Variants in MTUS1 observed in about 807,000 individuals in gnomAD.
MTUS1 encodes microtubule-associated tumor suppressor 1.
Under a neutral mutation model 120.8 loss-of-function variants are expected in MTUS1, and 109 were observed. That is an observed-to-expected ratio of 0.90 (90% CI 0.77 to 1.06). MTUS1 has a LOEUF of 1.06. MTUS1 is among the 50% of genes least tolerant of loss of function. The pLI, the probability that MTUS1 is intolerant of heterozygous loss-of-function variation, is 0.00. For missense variants in MTUS1, 2,210 were observed against 1,486.3 expected (o/e 1.49, Z -8.01); for synonymous variants, 737 against 550.5 (o/e 1.34, Z -4.74).
rs968789884 is a variant in MTUS1 at position 17,794,031 on chromosome 8, G to A, written c.-155+7030C>T. 1.2e-4 allele frequency among the ~76,000 whole-genome samples: 18 copies of A among 151,962 alleles called. No homozygotes were observed. The East Asian group carries it at 3.5e-3, about 29-fold the overall frequency. On this transcript the variant is annotated intron_variant, in intron 1 of 14. Coordinates refer to ENST00000693296, the MANE Select transcript of MTUS1 (RefSeq NM_001363059.2). ...AGTGCTCAAAAATGGCTGAGGCTGAGGAAAACCAAACACAGGCCGGGCACA... is the reference window on the plus strand; with the variant it reads ...AGTGCTCAAAAATGGCTGAGGCTGAAGAAAACCAAACACAGGCCGGGCACA...
At chr8:17,697,646 C>A in intron 6 of MTUS1, 1 of 1,196,376 alleles carries the variant, frequency 8.4e-7, no homozygotes, top group Non-Finnish European at 1.0e-6. Context: ...GGTCTAGAAG[C>A]TGCCTCTGAA....
intron 12 of MTUS1, 100 bp from the exon 13 acceptor site, chr8:17,650,062 C>A (rs540139101): frequency 1.3e-6 from 1 of 755,702 alleles, no homozygotes; most frequent in Admixed American, 2.1e-5. Flanking sequence ...AAGTAGCAAG[C>A]GACAGATGTT....
rs866641834 is a variant in MTUS1, at chr8:17,787,850, A to G, written c.-155+13211T>C. 9.2e-5 allele frequency among the ~76,000 whole-genome samples: 14 copies of G among 152,342 alleles called. No homozygotes were observed. In the South Asian group the frequency reaches 1.4e-3, roughly 16 times the overall value. ...TCACGAAGACTTTCTGGCTGGGCAC[A>G]GTGGCTCACACTGTAATCCCAGCAC... On this transcript the variant is annotated intron_variant, in intron 1 of 14. Coordinates refer to ENST00000693296, the MANE Select transcript of MTUS1 (RefSeq NM_001363059.2).
At chr8:17,783,032 C>A (rs34943460) in intron 1 of MTUS1, among the ~76,000 whole-genome samples, 5 of 152,096 alleles carry the variant, frequency 3.3e-5, no homozygotes, top group Non-Finnish European at 7.4e-5. Context: ...GAGCCAAGAT[C>A]GTGCCATTGC....
chr8:17,689,747 A>G (rs1816580494), intron 6 of MTUS1, among the ~76,000 whole-genome samples: 1 of 152,304 alleles, frequency 6.6e-6, no homozygotes, highest in South Asian at 2.1e-4. Flanking sequence ...CTTACAGCTA[A>G]TTGATCTTTG....
At chr8:17,674,740 C>T in intron 8 of MTUS1, 4 of 993,342 alleles carry the variant, frequency 4.0e-6, no homozygotes, top group Non-Finnish European at 4.8e-6. Flanking sequence ...AGCCAAGTTG[C>T]CTTCATGGAC....
chr8:17,676,095 C>A (rs547429894), intron 7 of MTUS1: 7 of 579,518 alleles, frequency 1.2e-5, no homozygotes, highest in African/African-American at 5.7e-5. Flanking sequence ...AATGCCCTCA[C>A]GAGGATCACC....
At chr8:17,680,672 T>C (rs561999007) in intron 7 of MTUS1, among the ~76,000 whole-genome samples, 1 of 152,214 alleles carries the variant, frequency 6.6e-6, no homozygotes, top group South Asian at 2.1e-4. Flanking sequence ...TTTTTTCCTC[T>C]AGCGTTGGAT....
intron 3 of MTUS1, among the ~76,000 whole-genome samples, chr8:17,728,436 A>G (rs1228640275): frequency 6.6e-6 from 1 of 152,242 alleles, no homozygotes; most frequent in Non-Finnish European, 1.5e-5. Flanking sequence ...AATCTGGACA[A>G]TAGATTCACA....
chr8:17,699,542 C>A (rs1018882660), intron 6 of MTUS1, among the ~76,000 whole-genome samples: 1 of 152,140 alleles, frequency 6.6e-6, no homozygotes, highest in African/African-American at 2.4e-5. Context: ...AAGGGAAGTT[C>A]TTTAGACTCC....
At chr8:17,758,692 G>T (rs922867334) in intron 1 of MTUS1, among the ~76,000 whole-genome samples, 30 of 152,252 alleles carry the variant, frequency 2.0e-4, no homozygotes, top group African/African-American at 7.2e-4. Flanking sequence ...ACAGACTGTG[G>T]CATAAGCAAA....
At chr8:17,784,301 T>TA in intron 1 of MTUS1, among the ~76,000 whole-genome samples, 1 of 151,228 alleles carries the variant, frequency 6.6e-6, no homozygotes, top group Admixed American at 6.6e-5. Context: ...AACTGTTTTT[T>TA]TTTTTTTTTT....
chr8:17,720,032 T>G (rs940244355), intron 4 of MTUS1, among the ~76,000 whole-genome samples: 1 of 152,120 alleles, frequency 6.6e-6, no homozygotes, highest in Admixed American at 6.5e-5. Context: ...ATAGTCCAAC[T>G]TAACATGAGT....
chr8:17,762,476 T>C (rs1009816805), intron 1 of MTUS1, among the ~76,000 whole-genome samples: 5 of 152,196 alleles, frequency 3.3e-5, no homozygotes, highest in African/African-American at 1.2e-4. Context: ...TCTTGCAGCC[T>C]ACCTTTCATC....
chr8:17,684,480 C>A lies in MTUS1; in HGVS notation c.2686G>T (p.Ala896Ser), dbSNP rs766037683. 2.5e-6 allele frequency: 4 copies of A among 1,614,194 alleles called. No homozygotes were observed. In the South Asian group the frequency reaches 4.4e-5, roughly 18 times the overall value. Residue 896 changes from alanine to serine, a missense_variant, in exon 7 of 15, where the codon GCG becomes TCG. Transcript: ENST00000693296. ...TCAAGTGTTTTCTCAGGGGGCAGCG[C>A]ATCGGGAGCTGTCTGTGGCTGGATA... ...LCIQPQTAPD[A>S]LPPEKTLELT...
At position 17,645,069 on chromosome 8, in the gene MTUS1, AGTTT is replaced by A. The variant is rs71869668; in HGVS notation, c.*853_*856del. On this transcript the variant is annotated 3_prime_UTR_variant, in exon 15 of 15. Coordinates refer to ENST00000693296, the MANE Select transcript of MTUS1 (RefSeq NM_001363059.2). ...TCTTTCTTTACACAGTTAGTTAGTT[AGTTT>A]GTTTTTTTATAGAAAAATTAGGGTT... The A allele has an allele frequency of 0.065, 8,061 of 123,656 alleles. 290 individuals carry two copies. The highest frequency in any genetic ancestry group is 0.094 in the East Asian group (418 of 4,424). The allele number at this position is 123,656 out of a possible 1,614,324, so 7.7% of individuals were successfully genotyped here. A position where few individuals can be genotyped will look rare whatever the true frequency, so the allele number is the denominator to read the frequency against.
intron 3 of MTUS1, among the ~76,000 whole-genome samples, 174 bp downstream of exon 3, chr8:17,743,430 T>G (rs767566653): frequency 4.6e-5 from 7 of 152,200 alleles, no homozygotes; most frequent in Admixed American, 2.0e-4. Context: ...AGCCTTTGCC[T>G]TGCTCAAAGA....
At chr8:17,795,658 T>C (rs568451665) in intron 1 of MTUS1, among the ~76,000 whole-genome samples, 2 of 152,170 alleles carry the variant, frequency 1.3e-5, no homozygotes, top group Non-Finnish European at 2.9e-5. Context: ...TATTCCTTTT[T>C]AGACAGAGTC....
At chr8:17,772,694 C>A (rs1024037583) in intron 1 of MTUS1, among the ~76,000 whole-genome samples, 1 of 152,148 alleles carries the variant, frequency 6.6e-6, no homozygotes, top group Non-Finnish European at 1.5e-5. Flanking sequence ...CTTCTTATAA[C>A]CCACTATCAT....
Sources: gnomAD v4.1 joint callset for allele counts (sites outside exome capture counted in the v4.1 genomes callset) on GRCh38, gnomAD v4.1.1 for gene constraint, MANE v1.5 for transcripts, NCBI Gene and HGNC (gene_info 2026-07-23, HGNC 2026-07-21) for gene names.